SLC36A1: variants seen among roughly 807,000 people sequenced by gnomAD.
SLC36A1 encodes proton-coupled amino acid transporter 1.
SLC36A1 carries 30 observed loss-of-function variants against 47.5 expected under a neutral mutation model. The ratio of observed to expected loss-of-function variants is 0.63; its 90% confidence interval spans 0.47 to 0.86. The LOEUF (loss-of-function observed/expected upper bound fraction) is 0.86. Among genes scored for constraint, SLC36A1 ranks in the 40% least tolerant of loss-of-function variants. The pLI, the probability that SLC36A1 is intolerant of heterozygous loss-of-function variation, is 0.00. For synonymous variants in SLC36A1, 255 were observed against 249.7 expected (o/e 1.02, Z -0.20); for missense variants, 517 against 606.0 (o/e 0.85, Z 1.54).
the SLC36A1 span, among the ~76,000 whole-genome samples, chr5:151,419,053 G>T: frequency 6.6e-6 from 1 of 152,186 alleles, no homozygotes; most frequent in Non-Finnish European, 1.5e-5. Context: ...TCTCCTGCCT[G>T]CCTCTACATG....
At chr5:151,420,766 T>C in the SLC36A1 span, among the ~76,000 whole-genome samples, 1 of 152,180 alleles carries the variant, frequency 6.6e-6, no homozygotes, top group Admixed American at 6.5e-5. Flanking sequence ...CTTTTAATAG[T>C]TTGGAGTGAT....
At chr5:151,360,046 C>G in the SLC36A1 span, among the ~76,000 whole-genome samples, 3 of 152,122 alleles carry the variant, frequency 2.0e-5, no homozygotes, top group Non-Finnish European at 4.4e-5. Flanking sequence ...GTATAAATAC[C>G]TATAAGTAGA....
intron 7 of SLC36A1, among the ~76,000 whole-genome samples, chr5:151,468,274 T>A (rs371433923): frequency 0.031 from 2,409 of 77,340 alleles, 149 homozygotes; most frequent in African/African-American, 0.11. Context: ...AAAATATATA[T>A]ATATATATAT....
At chr5:151,517,722 C>T in the SLC36A1 span, 1 of 1,614,146 alleles carries the variant, frequency 6.2e-7, no homozygotes, top group Non-Finnish European at 8.5e-7. Context: ...CCGCTGGGGC[C>T]CTGTACCGCA....
the SLC36A1 span, among the ~76,000 whole-genome samples, chr5:151,428,667 C>G: frequency 6.6e-6 from 1 of 152,102 alleles, no homozygotes; most frequent in African/African-American, 2.4e-5. Context: ...GAGTCTCACT[C>G]TGTTGCCCAG....
At chr5:151,418,766 C>G in the SLC36A1 span, among the ~76,000 whole-genome samples, 25,523 of 151,986 alleles carry the variant, frequency 0.17, 2,382 homozygotes, top group East Asian at 0.38. Flanking sequence ...TTGGGAGACT[C>G]TAGGGAGGGC....
Position 151,489,606 on chromosome 5 carries a change from G to A in SLC36A1, c.*1352G>A, listed in dbSNP as rs1164967066. On this transcript the variant is annotated 3_prime_UTR_variant, in exon 11 of 11. Coordinates refer to ENST00000243389, the MANE Select transcript of SLC36A1 (RefSeq NM_078483.4). The surrounding 1 kb of genome is among the most constrained non-coding windows in gnomAD (Gnocchi z 4.5). ...TCTTTCCCCCAGAATGCCTCCCTGG[G>A]TTTCACAAACAGCCTTGAGGTTGGC... The A allele has an allele frequency of 6.6e-6, 1 of 152,542 alleles. No homozygotes were observed. The highest frequency in any genetic ancestry group is 2.4e-5 in the African/African-American group (1 of 41,416). 9.4% of individuals were successfully genotyped at this position (152,542 alleles called of 1,614,324 possible).
chr5:151,550,216 G>T, the SLC36A1 span, among the ~76,000 whole-genome samples: 1 of 152,178 alleles, frequency 6.6e-6, no homozygotes, highest in Non-Finnish European at 1.5e-5. Context: ...TTTGTGTCCT[G>T]CATGCCTTGC....
chr5:151,531,223 A>G, the SLC36A1 span, among the ~76,000 whole-genome samples: 1 of 152,182 alleles, frequency 6.6e-6, no homozygotes, highest in Non-Finnish European at 1.5e-5. The surrounding 1 kb of genome is among the most constrained non-coding windows in gnomAD (Gnocchi z 5.7). Flanking sequence ...CTTAAGCCCC[A>G]GATTCCAGCA....
Position 151,488,162 on chromosome 5 carries a change from G to C in SLC36A1, c.1339G>C (p.Gly447Arg). ...CCTGATCAGCATCCTGGGCTTCGTG[G>C]GCTTTGTGGTGGGGACCTATGAGGC... ...DALISILGFV[G>R]FVVGTYEALY... The change falls in exon 11 of 11, where the codon GGC (glycine) becomes CGC (arginine). Residue 447 changes from glycine to arginine, a missense_variant. Coordinates refer to ENST00000243389, the MANE Select transcript of SLC36A1 (RefSeq NM_078483.4). The C allele has an allele frequency of 1.2e-6, 2 of 1,614,140 alleles. No individual in the cohort carries two copies. The highest frequency in any genetic ancestry group is 2.2e-5 in the South Asian group (2 of 91,088).
chr5:151,348,744 G>A, the SLC36A1 span, among the ~76,000 whole-genome samples: 1 of 152,352 alleles, frequency 6.6e-6, no homozygotes, highest in Non-Finnish European at 1.5e-5. Context: ...TACAGATGTG[G>A]AAATTGAGGC....
intron 5 of SLC36A1, among the ~76,000 whole-genome samples, chr5:151,466,793 T>C (rs1182085671): frequency 6.6e-6 from 1 of 152,152 alleles, no homozygotes; most frequent in Non-Finnish European, 1.5e-5. Flanking sequence ...TGTCTGTGCA[T>C]GTGTCTCACC....
At chr5:151,362,312 A>G in the SLC36A1 span, among the ~76,000 whole-genome samples, 1 of 150,666 alleles carries the variant, frequency 6.6e-6, no homozygotes, top group African/African-American at 2.4e-5. Flanking sequence ...GTTTCTATAT[A>G]GTATTGATCC....
chr5:151,530,091 A>C, the SLC36A1 span, among the ~76,000 whole-genome samples: 2 of 152,220 alleles, frequency 1.3e-5, no homozygotes, highest in Non-Finnish European at 2.9e-5. Flanking sequence ...ATGAAAAGGT[A>C]TATCTATCTA....
chr5:151,535,917 A>G, the SLC36A1 span, among the ~76,000 whole-genome samples: 2 of 152,238 alleles, frequency 1.3e-5, no homozygotes, highest in Admixed American at 1.3e-4. Context: ...GTGTGGTGTG[A>G]GAGCAGAGGA....
chr5:151,488,074 G>T lies in SLC36A1; in HGVS notation c.1251G>T (p.Pro417=). ...SSSALALIIP[P]LLEVTTFYSE... ...GCGCCCTGGCCCTCATCATCCCACCGCTCCTGGAGGTCACCACCTTCTACT... is the reference window on the plus strand; with the variant it reads ...GCGCCCTGGCCCTCATCATCCCACCTCTCCTGGAGGTCACCACCTTCTACT... The change falls in exon 11 of 11, where the codon CCG becomes CCT. Residue 417 remains proline, a synonymous_variant. Coordinates refer to ENST00000243389, the MANE Select transcript of SLC36A1 (RefSeq NM_078483.4). 6.2e-7 allele frequency: 1 copy of T among 1,614,056 alleles called. No individual in the cohort carries two copies. Among genetic ancestry groups the T allele is most frequent in the Admixed American group, 1.7e-5 (1 of 60,008 alleles).
chr5:151,544,888 T>G, the SLC36A1 span: 1 of 1,614,012 alleles, frequency 6.2e-7, no homozygotes, highest in African/African-American at 1.3e-5. Flanking sequence ...TGTGCCATCT[T>G]GGATGATTGT....
chr5:151,466,180 G>A (rs1163738466), intron 5 of SLC36A1, among the ~76,000 whole-genome samples: 10 of 151,910 alleles, frequency 6.6e-5, no homozygotes, highest in East Asian at 1.9e-4. Flanking sequence ...CCTTTCTTCC[G>A]CCCTCCTTCC....
the SLC36A1 span, among the ~76,000 whole-genome samples, chr5:151,419,263 A>C: frequency 1.8e-4 from 28 of 152,294 alleles, no homozygotes; most frequent in African/African-American, 6.7e-4. Context: ...TGCTCAGATC[A>C]CAATTTTCAA....
Sources: allele counts gnomAD v4.1 joint callset (sites outside exome capture counted in the v4.1 genomes callset), GRCh38; gene constraint gnomAD v4.1.1; non-coding constraint Gnocchi (gnomAD v3.1); transcripts MANE v1.5; gene names NCBI Gene and HGNC (gene_info 2026-07-23, HGNC 2026-07-21).